MAGI2: variants seen among roughly 807,000 people sequenced by gnomAD.
MAGI2 encodes the protein membrane-associated guanylate kinase, WW and PDZ domain-containing protein 2.
MAGI2 carries 35 observed loss-of-function variants against 133.3 expected under a neutral mutation model. The observed-to-expected ratio is 0.26, with a 90% CI of 0.20 to 0.35. The LOEUF is 0.35. Ranked by LOEUF, MAGI2 falls within the 10% of genes least tolerant of loss-of-function variation. The pLI is 1.00. For missense variants in MAGI2, 1,636 were observed against 1,863.4 expected (o/e 0.88, Z 2.25); for synonymous variants, 729 against 710.6 (o/e 1.03, Z -0.41).
chr7:78,045,764 G>A (rs897804103), intron 21 of MAGI2, among the ~76,000 whole-genome samples: 4 of 152,122 alleles, frequency 2.6e-5, no homozygotes, highest in Admixed American at 2.0e-4. Context: ...TTAGTAAAGA[G>A]CATGCATGCA....
At chr7:78,630,925 A>T (rs1377657185) in intron 2 of MAGI2, among the ~76,000 whole-genome samples, 1 of 152,046 alleles carries the variant, frequency 6.6e-6, no homozygotes, top group Non-Finnish European at 1.5e-5. Context: ...CCATCCAGGG[A>T]TCATCCTTTG....
At chr7:78,256,818 A>G (rs1260137670) in intron 9 of MAGI2, among the ~76,000 whole-genome samples, 3 of 152,192 alleles carry the variant, frequency 2.0e-5, no homozygotes, top group Admixed American at 2.0e-4. Context: ...TTCAGAAACA[A>G]CTTCATATTC....
intron 2 of MAGI2, among the ~76,000 whole-genome samples, chr7:78,932,942 G>A (rs190626348): frequency 9.2e-5 from 14 of 152,234 alleles, no homozygotes; most frequent in Admixed American, 3.9e-4. Flanking sequence ...CTGAATAACT[G>A]TGCTGGGATA....
chr7:78,500,855 A>T (rs1297518921), intron 5 of MAGI2, among the ~76,000 whole-genome samples: 1 of 152,186 alleles, frequency 6.6e-6, no homozygotes, highest in African/African-American at 2.4e-5. Context: ...TTGTGAGGCC[A>T]GTGTGGGCAA....
chr7:79,309,405 T>C (rs1389811012), intron 1 of MAGI2, among the ~76,000 whole-genome samples: 2 of 150,330 alleles, frequency 1.3e-5, no homozygotes, highest in African/African-American at 2.4e-5. Flanking sequence ...TATCTATATA[T>C]AATATAGATA....
intron 21 of MAGI2, among the ~76,000 whole-genome samples, chr7:78,026,831 G>A (rs184917587): frequency 1.3e-5 from 2 of 152,284 alleles, no homozygotes; most frequent in East Asian, 1.9e-4. Context: ...AGGGCCTAAC[G>A]ACTGCGTCTT....
chr7:79,293,793 A>C (rs1207023425), intron 1 of MAGI2, among the ~76,000 whole-genome samples: 1 of 152,184 alleles, frequency 6.6e-6, no homozygotes, highest in Non-Finnish European at 1.5e-5. Context: ...CTAGTCATTA[A>C]ATAAACATTT....
chr7:78,176,095 C>G (rs968724803), intron 14 of MAGI2, among the ~76,000 whole-genome samples: 1 of 152,126 alleles, frequency 6.6e-6, no homozygotes, highest in Admixed American at 6.6e-5. Flanking sequence ...CTGGTAATCT[C>G]AGAATCGGAG....
chr7:79,403,466 T>C (rs1845604844), intron 1 of MAGI2, among the ~76,000 whole-genome samples: 2 of 152,016 alleles, frequency 1.3e-5, no homozygotes, highest in Admixed American at 1.3e-4. Context: ...TTGATAGTAA[T>C]CCCTTTAAAA....
At chr7:78,630,554 CT>C (rs952012442) in intron 2 of MAGI2, among the ~76,000 whole-genome samples, 1 of 150,962 alleles carries the variant, frequency 6.6e-6, no homozygotes, top group Non-Finnish European at 1.5e-5. Flanking sequence ...GTAGCTGTGA[CT>C]ATAGGTGTGC....
intron 1 of MAGI2, among the ~76,000 whole-genome samples, chr7:79,042,056 T>C (rs1229067628): frequency 6.6e-6 from 1 of 151,992 alleles, no homozygotes; most frequent in Admixed American, 6.6e-5. Context: ...ATGAAAAAAA[T>C]AAGGCATAGA....
intron 2 of MAGI2, among the ~76,000 whole-genome samples, chr7:78,736,636 T>C (rs181696842): frequency 1.3e-5 from 2 of 152,266 alleles, no homozygotes; most frequent in African/African-American, 4.8e-5. Context: ...ATACTAATAC[T>C]TTATTGTCCT....
intron 10 of MAGI2, among the ~76,000 whole-genome samples, chr7:78,215,600 A>G (rs989814292): frequency 2.6e-5 from 4 of 152,306 alleles, no homozygotes; most frequent in African/African-American, 7.2e-5. Context: ...ATGGAAAACG[A>G]GTCCATTCTT....
intron 1 of MAGI2, among the ~76,000 whole-genome samples, chr7:79,321,490 C>T (rs138301095): frequency 1.8e-3 from 269 of 152,218 alleles, no homozygotes; most frequent in African/African-American, 6.0e-3. Flanking sequence ...TCACAGAACA[C>T]GTTGGAAAGT....
chr7:78,291,172 G>A (rs1267885860), intron 9 of MAGI2, among the ~76,000 whole-genome samples: 1 of 152,062 alleles, frequency 6.6e-6, no homozygotes, highest in Non-Finnish European at 1.5e-5. Flanking sequence ...CAACAAAACT[G>A]ATAGACCGCT....
chr7:78,504,620 C>T (rs1308724985), intron 4 of MAGI2, among the ~76,000 whole-genome samples: 1 of 151,914 alleles, frequency 6.6e-6, no homozygotes, highest in African/African-American at 2.4e-5. Flanking sequence ...GAACATAATG[C>T]CTATTAAAAT....
chr7:79,436,220 A>C (rs1489727435), intron 1 of MAGI2, among the ~76,000 whole-genome samples: 1 of 130,722 alleles, frequency 7.6e-6, no homozygotes, highest in Non-Finnish European at 1.6e-5. Flanking sequence ...GCAAGACTTC[A>C]CCTCAAAAAA....
At chr7:79,171,784 T>C (rs1825645613) in intron 1 of MAGI2, among the ~76,000 whole-genome samples, 1 of 78,116 alleles carries the variant, frequency 1.3e-5, no homozygotes, top group African/African-American at 3.6e-5. Context: ...TTTTTTTTTT[T>C]TTCTTTTAAA....
chr7:78,272,574 T>G (rs577022009), intron 9 of MAGI2, among the ~76,000 whole-genome samples: 7 of 152,282 alleles, frequency 4.6e-5, no homozygotes, highest in Admixed American at 3.3e-4. Flanking sequence ...TGTGAGAGTC[T>G]AAGTCTCTTT....
Sources: gnomAD v4.1 joint callset for allele counts (sites outside exome capture counted in the v4.1 genomes callset) on GRCh38, gnomAD v4.1.1 for gene constraint, MANE v1.5 for transcripts, NCBI Gene and HGNC (gene_info 2026-07-23, HGNC 2026-07-21) for gene names.